Variants in AP3B1 observed in about 807,000 individuals in gnomAD.
AP3B1 encodes AP-3 complex subunit beta-1.
A neutral mutation model predicts 132.5 loss-of-function variants in AP3B1; 61 were observed. That is an observed-to-expected ratio of 0.46 (90% CI 0.37 to 0.57). AP3B1 has a LOEUF of 0.57. Ranked by LOEUF, AP3B1 falls within the 20% of genes least tolerant of loss-of-function variation. The pLI is 0.00. For missense variants in AP3B1, 1,120 were observed against 1,289.4 expected (o/e 0.87, Z 2.01); for synonymous variants, 388 against 438.3 (o/e 0.89, Z 1.43).
chr5:78,224,801 T>C (rs565219680), intron 6 of AP3B1, among the ~76,000 whole-genome samples: 1 of 152,094 alleles, frequency 6.6e-6, no homozygotes, highest in South Asian at 2.1e-4. Context: ...TTAAAAAAAT[T>C]ATAAACATAC....
rs766660354 is a variant in AP3B1 at position 78,049,891 on chromosome 5, T to C, written c.2578-10617A>G. ...TATGAGTTTACCTGTATAACAAACC[T>C]GCACATGTACCCCTGAACCTAAAAT... On this transcript the variant is annotated intron_variant, in intron 22 of 26. Coordinates refer to ENST00000255194, the MANE Select transcript of AP3B1 (RefSeq NM_003664.5). Among the ~76,000 whole-genome samples, 22 of 152,178 alleles carry C rather than the reference T, an allele frequency of 1.4e-4. 1 individual carries two copies. Among genetic ancestry groups the C allele is most frequent in the Non-Finnish European group, 2.6e-4 (18 of 68,014 alleles).
intron 22 of AP3B1, among the ~76,000 whole-genome samples, chr5:78,074,469 T>G (rs1480083080): frequency 2.6e-5 from 4 of 152,208 alleles, no homozygotes; most frequent in African/African-American, 9.7e-5. Context: ...CCATGACTAC[T>G]GACATTTTCA....
chr5:78,127,755 C>T (rs567078970), intron 17 of AP3B1, among the ~76,000 whole-genome samples: 52 of 152,222 alleles, frequency 3.4e-4, no homozygotes, highest in Admixed American at 8.5e-4. Flanking sequence ...TGAATCTACG[C>T]GGCTACAAAT....
intron 7 of AP3B1, among the ~76,000 whole-genome samples, chr5:78,182,970 T>G (rs781548997): frequency 3.3e-5 from 5 of 152,218 alleles, no homozygotes; most frequent in Admixed American, 6.5e-5. Flanking sequence ...GTGACCTTAT[T>G]CCTCCTCACT....
chr5:78,233,989 C>T (rs1297347535), intron 3 of AP3B1, among the ~76,000 whole-genome samples: 4 of 152,050 alleles, frequency 2.6e-5, no homozygotes, highest in Non-Finnish European at 5.9e-5. Flanking sequence ...ATAATATATA[C>T]ATTTATAAAA....
chr5:78,155,138 C>A (rs1443852560), intron 14 of AP3B1, among the ~76,000 whole-genome samples: 2 of 152,134 alleles, frequency 1.3e-5, no homozygotes, highest in Non-Finnish European at 2.9e-5. Flanking sequence ...GGGCCTCAAG[C>A]CCAATAATGA....
chr5:78,137,527 A>C (rs943794853), intron 15 of AP3B1, among the ~76,000 whole-genome samples: 2 of 152,216 alleles, frequency 1.3e-5, no homozygotes, highest in Non-Finnish European at 2.9e-5. Context: ...CACTGTGCAC[A>C]GTGCCAACTG....
At chr5:78,149,670 G>A (rs879532664) in intron 14 of AP3B1, among the ~76,000 whole-genome samples, 4 of 152,134 alleles carry the variant, frequency 2.6e-5, no homozygotes, top group Non-Finnish European at 4.4e-5. Context: ...TTGTACAGAT[G>A]AGAAAACTGG....
chr5:78,114,055 C>A (rs1751718042), intron 18 of AP3B1, 132 bp from the exon 19 acceptor site: 2 of 978,646 alleles, frequency 2.0e-6, no homozygotes, highest in Non-Finnish European at 3.0e-6. Context: ...ACTTGTTTAA[C>A]ATTTTATTCC....
chr5:78,196,147 A>T (rs962920870), intron 7 of AP3B1, among the ~76,000 whole-genome samples: 19 of 152,202 alleles, frequency 1.2e-4, no homozygotes, highest in African/African-American at 4.6e-4. Context: ...AAGGACTGTT[A>T]TCCAAAATAT....
At chr5:78,282,292 T>C (rs1026019837) in intron 1 of AP3B1, among the ~76,000 whole-genome samples, 3 of 151,990 alleles carry the variant, frequency 2.0e-5, no homozygotes, top group Non-Finnish European at 4.4e-5. Flanking sequence ...TACATAAGCC[T>C]GCCTTCTTTT....
chr5:78,126,846 C>T (rs1302164445), intron 17 of AP3B1, among the ~76,000 whole-genome samples: 6 of 152,180 alleles, frequency 3.9e-5, no homozygotes, highest in Admixed American at 1.3e-4. Flanking sequence ...GGTTCTATCA[C>T]TTACTTGCCA....
At chr5:78,097,175 G>T (rs1292527114) in intron 21 of AP3B1, among the ~76,000 whole-genome samples, 1 of 122,864 alleles carries the variant, frequency 8.1e-6, no homozygotes, top group South Asian at 2.5e-4. Flanking sequence ...CTGCCCAGCT[G>T]CCCCTACTGG....
At chr5:78,243,766 G>A (rs185077173) in intron 2 of AP3B1, among the ~76,000 whole-genome samples, 1 of 149,876 alleles carries the variant, frequency 6.7e-6, no homozygotes, top group East Asian at 2.0e-4. Context: ...CCAGGAATAG[G>A]AGGCCAGGAG....
intron 7 of AP3B1, among the ~76,000 whole-genome samples, chr5:78,203,421 C>G (rs1388697041): frequency 6.6e-6 from 1 of 152,142 alleles, no homozygotes; most frequent in African/African-American, 2.4e-5. Context: ...AACTCACTCA[C>G]TATCATGAGA....
intron 22 of AP3B1, among the ~76,000 whole-genome samples, chr5:78,083,209 C>G (rs1750091836): frequency 6.6e-6 from 1 of 152,156 alleles, no homozygotes; most frequent in Non-Finnish European, 1.5e-5. Context: ...TATTTTCTTA[C>G]ACAACTAGTT....
chr5:78,118,372 A>T (rs252775), intron 17 of AP3B1, among the ~76,000 whole-genome samples: 45,036 of 152,108 alleles, frequency 0.3, 7,058 homozygotes, highest in Admixed American at 0.41. Context: ...GAGCAGGATG[A>T]GGCATTGCCT....
rs66493022 is a variant in AP3B1, at chr5:78,223,027, C to CTCTTTTTTTTTTTTTTT, written c.603+2514_603+2515insAAAAAAAAAAAAAAAGA. Among the ~76,000 whole-genome samples, 823 of 127,470 alleles carry CTCTTTTTTTTTTTTTTT rather than the reference C, an allele frequency of 6.5e-3. 19 individuals are homozygous for CTCTTTTTTTTTTTTTTT. Among genetic ancestry groups the CTCTTTTTTTTTTTTTTT allele is most frequent in the Non-Finnish European group, 7.5e-3 (451 of 60,160 alleles). 83.6% of individuals were successfully genotyped at this position (127,470 alleles called of 152,430 possible). On this transcript the variant is annotated intron_variant, in intron 6 of 26. Coordinates refer to ENST00000255194, the MANE Select transcript of AP3B1 (RefSeq NM_003664.5). ...TGTTTTTTTGTTTGTTTGTTTGTTTCTTTTTTTTTTTTTGTAGAGACAAGG... is the reference window on the plus strand; with the variant it reads ...TGTTTTTTTGTTTGTTTGTTTGTTTCTCTTTTTTTTTTTTTTTTTTTTTTTTTTTTGTAGAGACAAGG...
chr5:78,099,504 A>C (rs1751041476), intron 21 of AP3B1, among the ~76,000 whole-genome samples: 1 of 152,202 alleles, frequency 6.6e-6, no homozygotes, highest in Non-Finnish European at 1.5e-5. Flanking sequence ...CTTTCATCTA[A>C]ATGCAAAATT....
Sources: gnomAD v4.1 joint callset for allele counts (sites outside exome capture counted in the v4.1 genomes callset) on GRCh38, gnomAD v4.1.1 for gene constraint, MANE v1.5 for transcripts, NCBI Gene and HGNC (gene_info 2026-07-23, HGNC 2026-07-21) for gene names.